Variants in SENP7 observed in about 807,000 individuals in gnomAD.
SENP7 encodes sentrin-specific protease 7.
In SENP7, 64 loss-of-function variants were observed where a neutral mutation model predicts 141.2. The ratio of observed to expected loss-of-function variants is 0.45; its 90% CI spans 0.37 to 0.56. The LOEUF (loss-of-function observed/expected upper bound fraction) is 0.56. Ranked by LOEUF, SENP7 falls within the 20% of genes least tolerant of loss-of-function variation. The pLI is 0.00. For missense variants in SENP7, 1,025 were observed against 1,212.2 expected (o/e 0.85, Z 2.29); for synonymous variants, 382 against 426.4 (o/e 0.90, Z 1.28).
intron 11 of SENP7, among the ~76,000 whole-genome samples, chr3:101,360,230 A>T (rs1443937285): frequency 1.3e-5 from 2 of 152,192 alleles, no homozygotes; most frequent in East Asian, 3.8e-4. Context: ...TGGTGACTGT[A>T]TCACAAACTA....
intron 4 of SENP7, 31 bp downstream of exon 4, chr3:101,458,924 C>G: frequency 2.3e-6 from 3 of 1,296,908 alleles, no homozygotes; most frequent in Non-Finnish European, 3.3e-6. Flanking sequence ...TAGGTTAAGC[C>G]CATACTATGT....
At chr3:101,511,396 G>A (rs78226465) in intron 1 of SENP7, among the ~76,000 whole-genome samples, 21,040 of 152,094 alleles carry the variant, frequency 0.14, 1,480 homozygotes, top group South Asian at 0.18. Context: ...AAAAAAGGTT[G>A]TGCATCTCAA....
chr3:101,476,663 G>C (rs2064230963), intron 3 of SENP7, among the ~76,000 whole-genome samples: 1 of 152,146 alleles, frequency 6.6e-6, no homozygotes, highest in East Asian at 1.9e-4. Context: ...CCAGATCCTT[G>C]AGGAATCGCC....
chr3:101,497,040 A>T (rs1253021540), intron 2 of SENP7, among the ~76,000 whole-genome samples: 1 of 152,218 alleles, frequency 6.6e-6, no homozygotes, highest in African/African-American at 2.4e-5. Flanking sequence ...AAGAAAGTCT[A>T]CCTTTTTTAA....
intron 3 of SENP7, among the ~76,000 whole-genome samples, chr3:101,468,568 A>G (rs1481694788): frequency 6.6e-6 from 1 of 152,222 alleles, no homozygotes; most frequent in Non-Finnish European, 1.5e-5. Context: ...ATTCTTAAAG[A>G]AAAGAATTTT....
At chr3:101,346,761 G>C (rs148753199) in intron 13 of SENP7, among the ~76,000 whole-genome samples, 1 of 152,002 alleles carries the variant, frequency 6.6e-6, no homozygotes, top group Non-Finnish European at 1.5e-5. Flanking sequence ...CAGGGGGAAA[G>C]GGTAGGAAGG....
intron 4 of SENP7, among the ~76,000 whole-genome samples, chr3:101,448,541 T>C (rs1334716529): frequency 2.0e-5 from 3 of 150,502 alleles, no homozygotes; most frequent in Non-Finnish European, 4.4e-5. Context: ...ACAGCAGATG[T>C]TGCTGCCTGA....
chr3:101,347,901 TGG>T lies in SENP7; in HGVS notation c.1806_1807del (p.Gln603IlefsTer13). On this transcript the variant is annotated frameshift_variant, in exon 13 of 24. Coordinates refer to ENST00000394095, the MANE Select transcript of SENP7 (RefSeq NM_020654.5). LOFTEE classifies it high-confidence loss of function. ...CTGGCTTAATACAGAGTGTTCTAAT[TGG>T]GTCTGAATCTCTTGAAGATAATCTG... 1 of 1,594,870 alleles carries T rather than the reference TGG, an allele frequency of 6.3e-7. No homozygotes were observed. The highest frequency in any genetic ancestry group is 8.6e-7 in the Non-Finnish European group (1 of 1,168,610).
At chr3:101,512,913 G>T (rs1250652983) in intron 1 of SENP7, among the ~76,000 whole-genome samples, 178 bp downstream of exon 1, 4 of 152,054 alleles carry the variant, frequency 2.6e-5, no homozygotes, top group African/African-American at 9.7e-5. Context: ...GCTCGGACCG[G>T]GTCTTCGACT....
At position 101,343,966 on chromosome 3, in the gene SENP7, A is replaced by G; in HGVS notation, c.1838-12T>C. The stretch of plus-strand genomic sequence containing the variant: ...TTCACTAGATTTTGCTACAAAAGGA[A>G]AAAATAATTTGTATCAATAGTATTA... On this transcript the variant is annotated splice_polypyrimidine_tract_variant and intron_variant, in intron 13 of 23. Coordinates refer to ENST00000394095, the MANE Select transcript of SENP7 (RefSeq NM_020654.5). The G allele has an allele frequency of 1.3e-6, 2 of 1,499,298 alleles. No homozygotes were observed. The highest frequency in any genetic ancestry group is 1.9e-4 in the Middle Eastern group (1 of 5,278). 92.9% of individuals were successfully genotyped at this position (1,499,298 alleles called of 1,614,324 possible).
At chr3:101,364,550 T>C (rs1349175184) in intron 10 of SENP7, among the ~76,000 whole-genome samples, 1 of 152,154 alleles carries the variant, frequency 6.6e-6, no homozygotes, top group African/African-American at 2.4e-5. Flanking sequence ...CTACAAAATG[T>C]TAGTGAAATG....
intron 3 of SENP7, among the ~76,000 whole-genome samples, chr3:101,483,998 G>A (rs1353559645): frequency 6.6e-6 from 1 of 152,042 alleles, no homozygotes; most frequent in African/African-American, 2.4e-5. Context: ...CTGCACTCCA[G>A]CCTGGGCAAC....
At chr3:101,488,537 C>G (rs2064824748) in intron 3 of SENP7, among the ~76,000 whole-genome samples, 1 of 152,182 alleles carries the variant, frequency 6.6e-6, no homozygotes, top group Non-Finnish European at 1.5e-5. Context: ...TTTCCCTAAT[C>G]ACAATAGAAA....
At chr3:101,362,300 A>G (rs2059922882) in intron 10 of SENP7, among the ~76,000 whole-genome samples, 1 of 152,186 alleles carries the variant, frequency 6.6e-6, no homozygotes, top group African/African-American at 2.4e-5. Context: ...CATTTCATAA[A>G]TAAAGTTAAC....
rs1278055721 is a variant in SENP7, at chr3:101,413,474, A to G, written c.482+4119T>C. On this transcript the variant is annotated intron_variant, in intron 5 of 23. Coordinates refer to ENST00000394095, the MANE Select transcript of SENP7 (RefSeq NM_020654.5). ...TAGAGATGTAACTCTGGTGAGAAGC[A>G]ATCTCTTTCTTTTATCCAGCAAACA... 5.9e-5 allele frequency among the ~76,000 whole-genome samples: 9 copies of G among 152,222 alleles called. No individual in the cohort carries two copies. The East Asian group carries it at 1.7e-3, about 29-fold the overall frequency.
intron 17 of SENP7, 145 bp downstream of exon 17, chr3:101,337,364 G>T: frequency 2.1e-6 from 1 of 470,840 alleles, no homozygotes; most frequent in Non-Finnish European, 3.7e-6. Context: ...GATGAGAAAT[G>T]GCTCTCATGG....
At chr3:101,432,289 A>G (rs978624030) in intron 4 of SENP7, among the ~76,000 whole-genome samples, 2 of 152,210 alleles carry the variant, frequency 1.3e-5, no homozygotes, top group African/African-American at 4.8e-5. Context: ...AACACTAGGT[A>G]GACTTCTAAG....
At chr3:101,467,127 G>A (rs187136112) in intron 3 of SENP7, among the ~76,000 whole-genome samples, 7 of 152,344 alleles carry the variant, frequency 4.6e-5, no homozygotes, top group African/African-American at 1.7e-4. Context: ...AGCCTGGCTG[G>A]GGGAGGGGCA....
intron 3 of SENP7, among the ~76,000 whole-genome samples, chr3:101,486,596 G>A (rs2064739989): frequency 1.3e-5 from 2 of 152,178 alleles, no homozygotes; most frequent in Non-Finnish European, 2.9e-5. Context: ...TACAAGAACT[G>A]AGAAAAGGAG....
Sources: allele counts gnomAD v4.1 joint callset (sites outside exome capture counted in the v4.1 genomes callset), GRCh38; gene constraint gnomAD v4.1.1; transcripts MANE v1.5; gene names NCBI Gene and HGNC (gene_info 2026-07-23, HGNC 2026-07-21).